The following AKT3 variants were observed in gnomAD, a reference collection of about 807,000 sequenced individuals.
The protein encoded by AKT3 is AKT serine/threonine kinase 3, also known as RAC-gamma serine/threonine-protein kinase.
Under a neutral mutation model 65.3 loss-of-function variants are expected in AKT3, and 15 were observed. That is an observed-to-expected ratio of 0.23 (90% CI 0.15 to 0.35). The LOEUF (loss-of-function observed/expected upper bound fraction) is 0.35, where lower values mean the gene tolerates loss of function less well. Ranked by LOEUF, AKT3 falls within the 10% of genes least tolerant of loss-of-function variation. The pLI is 1.00. For synonymous variants in AKT3, 206 were observed against 183.8 expected (o/e 1.12, Z -0.98); for missense variants, 243 against 576.5 (o/e 0.42, Z 5.92).
intron 2 of AKT3, among the ~76,000 whole-genome samples, chr1:243,772,602 G>T (rs1473505551): frequency 6.6e-6 from 1 of 152,172 alleles, no homozygotes; most frequent in Non-Finnish European, 1.5e-5. Context: ...CTGTAAACTG[G>T]TTCAACCATT....
At chr1:243,594,701 A>T (rs1676474017) in intron 8 of AKT3, among the ~76,000 whole-genome samples, 1 of 152,068 alleles carries the variant, frequency 6.6e-6, no homozygotes, top group African/African-American at 2.4e-5. Context: ...GGGCTCAAGC[A>T]ATGCTCCCAA....
chr1:243,751,940 T>C (rs1688833866), intron 2 of AKT3, among the ~76,000 whole-genome samples: 3 of 152,258 alleles, frequency 2.0e-5, no homozygotes, highest in African/African-American at 4.8e-5. Flanking sequence ...TTCACATTTA[T>C]ACCCCACTCA....
chr1:243,828,871 A>C (rs1442397433), intron 2 of AKT3, among the ~76,000 whole-genome samples: 1 of 152,174 alleles, frequency 6.6e-6, no homozygotes, highest in Non-Finnish European at 1.5e-5. Context: ...ATGGACAAGA[A>C]GTAAGAATAG....
chr1:243,624,078 G>C (rs944854930), intron 6 of AKT3, among the ~76,000 whole-genome samples: 8 of 152,136 alleles, frequency 5.3e-5, no homozygotes, highest in African/African-American at 1.9e-4. Context: ...AGTGGTCTTA[G>C]GGACAGCTGA....
chr1:243,642,821 A>T (rs1223085766), intron 5 of AKT3, among the ~76,000 whole-genome samples: 1 of 152,216 alleles, frequency 6.6e-6, no homozygotes, highest in Admixed American at 6.5e-5. Context: ...CCAGAATATA[A>T]GACACTGTCT....
At chr1:243,538,435 G>A (rs751319119) in intron 12 of AKT3, among the ~76,000 whole-genome samples, 7 of 151,288 alleles carry the variant, frequency 4.6e-5, no homozygotes, top group Non-Finnish European at 1.0e-4. Flanking sequence ...TTAAACCCAA[G>A]TATGTCATTA....
intron 2 of AKT3, 133 bp downstream of exon 2, chr1:243,842,992 A>G: frequency 3.3e-6 from 3 of 919,604 alleles, no homozygotes; most frequent in Non-Finnish European, 4.8e-6. Context: ...CACACGTTAA[A>G]TATATCATTT....
At chr1:243,665,738 A>AC (rs1244838464) in intron 3 of AKT3, among the ~76,000 whole-genome samples, 1 of 152,188 alleles carries the variant, frequency 6.6e-6, no homozygotes, top group Non-Finnish European at 1.5e-5. Flanking sequence ...ATAATATGAG[A>AC]CCTATAAGCT....
At chr1:243,625,427 C>T (rs139547539) in intron 6 of AKT3, among the ~76,000 whole-genome samples, 87 of 152,230 alleles carry the variant, frequency 5.7e-4, no homozygotes, top group African/African-American at 2.0e-3. Flanking sequence ...GCCACTGCGC[C>T]TGGCCCAGTC....
intron 3 of AKT3, among the ~76,000 whole-genome samples, chr1:243,682,356 A>C (rs1013835798): frequency 6.6e-6 from 1 of 152,160 alleles, no homozygotes; most frequent in Non-Finnish European, 1.5e-5. Context: ...CCACCTTCCA[A>C]GCTACAGTTT....
chr1:243,779,460 AG>A (rs1470189564), intron 2 of AKT3, among the ~76,000 whole-genome samples: 1 of 152,154 alleles, frequency 6.6e-6, no homozygotes, highest in Non-Finnish European at 1.5e-5. Flanking sequence ...AAGAATGAGA[AG>A]AACATTCAAA....
At chr1:243,608,638 T>TA (rs1677617365) in intron 8 of AKT3, among the ~76,000 whole-genome samples, 1 of 152,126 alleles carries the variant, frequency 6.6e-6, no homozygotes, top group South Asian at 2.1e-4. Context: ...TGGATTGTGC[T>TA]AGTGTGAATT....
intron 2 of AKT3, among the ~76,000 whole-genome samples, chr1:243,720,366 A>C (rs1686800411): frequency 6.6e-6 from 1 of 151,396 alleles, no homozygotes; most frequent in Admixed American, 6.6e-5. Context: ...ATTTCATGTT[A>C]CATATATTTT....
At chr1:243,822,467 C>T (rs4495685) in intron 2 of AKT3, among the ~76,000 whole-genome samples, 1 of 141,512 alleles carries the variant, frequency 7.1e-6, no homozygotes, top group Non-Finnish European at 1.5e-5. Context: ...AAAAACCCTT[C>T]AAAAAAAAAA....
chr1:243,510,775 T>A (rs1669963201), intron 13 of AKT3, among the ~76,000 whole-genome samples: 1 of 152,128 alleles, frequency 6.6e-6, no homozygotes, highest in Non-Finnish European at 1.5e-5. Context: ...GGATTTAGAG[T>A]GCAATGGGAT....
At chr1:243,738,116 A>G (rs1249931137) in intron 2 of AKT3, among the ~76,000 whole-genome samples, 1 of 152,214 alleles carries the variant, frequency 6.6e-6, no homozygotes, top group Non-Finnish European at 1.5e-5. Flanking sequence ...TCACATTTGC[A>G]TCCTAATAGT....
intron 12 of AKT3, among the ~76,000 whole-genome samples, chr1:243,543,101 G>A (rs1672429097): frequency 6.6e-6 from 1 of 152,122 alleles, no homozygotes; most frequent in Non-Finnish European, 1.5e-5. Context: ...ATCAGAAGGT[G>A]TTTAGGCAGC....
intron 4 of AKT3, among the ~76,000 whole-genome samples, chr1:243,646,496 A>C (rs1324176540): frequency 6.6e-6 from 1 of 152,000 alleles, no homozygotes; most frequent in African/African-American, 2.4e-5. Flanking sequence ...CCGGGATTAC[A>C]GGCGTGTGAC....
intron 2 of AKT3, among the ~76,000 whole-genome samples, chr1:243,842,129 CTTT>C (rs1695279027): frequency 6.6e-6 from 1 of 152,122 alleles, no homozygotes; most frequent in Non-Finnish European, 1.5e-5. Flanking sequence ...CAAATTATGA[CTTT>C]ACATTGCTTA....
Sources: allele counts gnomAD v4.1 joint callset (sites outside exome capture counted in the v4.1 genomes callset), GRCh38; gene constraint gnomAD v4.1.1; transcripts MANE v1.5; gene names NCBI Gene and HGNC (gene_info 2026-07-23, HGNC 2026-07-21).